OR14I1: variants seen among roughly 807,000 people sequenced by gnomAD.
OR14I1 encodes the protein olfactory receptor 14I1.
For missense variants in OR14I1, 279 were observed against 181.8 expected (o/e 1.53, Z -3.07); for synonymous variants, 118 against 71.1 (o/e 1.66, Z -3.32).
At chr1:248,679,041 C>G (rs112922158), downstream of OR14I1, among the ~76,000 whole-genome samples, 1 of 152,160 alleles carries the variant, frequency 6.6e-6, no homozygotes, top group Non-Finnish European at 1.5e-5. Flanking sequence ...CTGTTAGATC[C>G]TGATCCTTGT....
upstream of OR14I1, among the ~76,000 whole-genome samples, chr1:248,683,334 T>C (rs557138837): frequency 1.3e-5 from 2 of 152,372 alleles, no homozygotes; most frequent in East Asian, 3.9e-4. Context: ...TTAGTTTTTC[T>C]GCATCAAAGT....
the OR14I1 span, among the ~76,000 whole-genome samples, chr1:248,696,273 G>A: frequency 6.6e-6 from 1 of 152,146 alleles, no homozygotes; most frequent in East Asian, 1.9e-4. Flanking sequence ...GATAGCCTAA[G>A]GAGAATTCTT....
the OR14I1 span, among the ~76,000 whole-genome samples, chr1:248,690,624 G>GC: frequency 6.0e-5 from 1 of 16,732 alleles, no homozygotes; most frequent in Non-Finnish European, 1.4e-4. Flanking sequence ...AAAAAAAAAA[G>GC]CCCAGGAACA....
the OR14I1 span, among the ~76,000 whole-genome samples, chr1:248,701,792 C>G: frequency 6.6e-6 from 1 of 152,148 alleles, no homozygotes; most frequent in Non-Finnish European, 1.5e-5. Context: ...AATAGCTATC[C>G]ACAAATCAAC....
the OR14I1 span, among the ~76,000 whole-genome samples, chr1:248,695,228 C>CTTT: frequency 3.7e-3 from 359 of 96,620 alleles, 4 homozygotes; most frequent in Middle Eastern, 6.9e-3. Context: ...TGAATGTATG[C>CTTT]TTTTTTTTTT....
At chr1:248,690,919 G>A in the OR14I1 span, among the ~76,000 whole-genome samples, 2 of 152,192 alleles carry the variant, frequency 1.3e-5, no homozygotes, top group Non-Finnish European at 2.9e-5. Context: ...TCATCCCTGG[G>A]ATGCAAGGCT....
At chr1:248,688,547 A>ACAAATATT in the OR14I1 span, among the ~76,000 whole-genome samples, 1 of 152,262 alleles carries the variant, frequency 6.6e-6, no homozygotes. Flanking sequence ...GAAGACTAGA[A>ACAAATATT]CAAATATTTT....
chr1:248,678,773 T>A (rs147795829), downstream of OR14I1, among the ~76,000 whole-genome samples: 1,001 of 152,246 alleles, frequency 6.6e-3, 16 homozygotes, highest in African/African-American at 0.023. Flanking sequence ...AAGGAACTAT[T>A]ATATTTAAAG....
At chr1:248,700,381 GTT>G in the OR14I1 span, among the ~76,000 whole-genome samples, 1 of 152,298 alleles carries the variant, frequency 6.6e-6, no homozygotes, top group African/African-American at 2.4e-5. Flanking sequence ...TTGATATAAA[GTT>G]TGAAAAATTG....
the OR14I1 span, among the ~76,000 whole-genome samples, chr1:248,689,337 C>A: frequency 6.6e-6 from 1 of 152,092 alleles, no homozygotes; most frequent in African/African-American, 2.4e-5. Flanking sequence ...AGTTCTAGAG[C>A]CCTTGGATTC....
At chr1:248,697,868 C>T in the OR14I1 span, among the ~76,000 whole-genome samples, 26,942 of 152,158 alleles carry the variant, frequency 0.18, 2,846 homozygotes, top group African/African-American at 0.3. Context: ...AATAAGAGCT[C>T]TGGAGAGAGG....
At chr1:248,691,008 T>C in the OR14I1 span, among the ~76,000 whole-genome samples, 1 of 152,212 alleles carries the variant, frequency 6.6e-6, no homozygotes, top group Non-Finnish European at 1.5e-5. Flanking sequence ...ATTATCTCAA[T>C]AGATGCAGAA....
the OR14I1 span, among the ~76,000 whole-genome samples, chr1:248,697,865 G>A: frequency 6.6e-6 from 1 of 152,324 alleles, no homozygotes; most frequent in African/African-American, 2.4e-5. Context: ...CAAAATAAGA[G>A]CTCTGGAGAG....
exon 1 of OR14I1, chr1:248,681,443 A>G (rs759814440): frequency 2.6e-6 from 2 of 781,004 alleles, no homozygotes; most frequent in South Asian, 2.7e-5. Context: ...CTAAGACTAT[A>G]TATGATGGGA....
At chr1:248,680,293 T>C (rs1481296728), downstream of OR14I1, among the ~76,000 whole-genome samples, 1 of 152,214 alleles carries the variant, frequency 6.6e-6, no homozygotes, top group Non-Finnish European at 1.5e-5. Context: ...TTTTATTGTA[T>C]TTTCCCAATT....
downstream of OR14I1, among the ~76,000 whole-genome samples, chr1:248,678,289 T>G (rs2103130341): frequency 6.6e-6 from 1 of 152,352 alleles, no homozygotes; most frequent in Middle Eastern, 3.4e-3. Context: ...TTTAATGTCT[T>G]TGAGGACATT....
chr1:248,678,309 A>T (rs1289490346), downstream of OR14I1, among the ~76,000 whole-genome samples: 2 of 152,234 alleles, frequency 1.3e-5, no homozygotes, highest in Non-Finnish European at 2.9e-5. Flanking sequence ...TCCATTCAAC[A>T]TCAGAATATA....
At chr1:248,689,125 T>C in the OR14I1 span, among the ~76,000 whole-genome samples, 1 of 152,200 alleles carries the variant, frequency 6.6e-6, no homozygotes, top group Non-Finnish European at 1.5e-5. Flanking sequence ...GGGTTCAAAA[T>C]AGCTACAAGG....
At chr1:248,687,306 C>T (rs1661673899), upstream of OR14I1, among the ~76,000 whole-genome samples, 1 of 152,170 alleles carries the variant, frequency 6.6e-6, no homozygotes, top group Admixed American at 6.5e-5. Flanking sequence ...GTCAGTATGC[C>T]ACATGAGAGC....
Sources: gnomAD v4.1 joint callset for allele counts (sites outside exome capture counted in the v4.1 genomes callset) on GRCh38, gnomAD v4.1.1 for gene constraint, MANE v1.5 for transcripts, NCBI Gene and HGNC (gene_info 2026-07-23, HGNC 2026-07-21) for gene names.